The following LPGAT1 variants were observed in gnomAD, a reference collection of about 807,000 sequenced individuals.
LPGAT1 encodes the protein lysophosphatidylglycerol acyltransferase 1, also known as acyl-CoA:lysophosphatidylglycerol acyltransferase 1.
Under a neutral mutation model 47.5 loss-of-function variants are expected in LPGAT1, and 11 were observed. The observed-to-expected ratio is 0.23, with a 90% CI of 0.15 to 0.38. The LOEUF (loss-of-function observed/expected upper bound fraction) is 0.38. LPGAT1 is among the 10% of genes least tolerant of loss of function. The pLI is 1.00. For synonymous variants in LPGAT1, 138 were observed against 144.2 expected (o/e 0.96, Z 0.31); for missense variants, 293 against 439.0 (o/e 0.67, Z 2.97).
intron 6 of LPGAT1, among the ~76,000 whole-genome samples, chr1:211,755,237 C>T (rs1471050577): frequency 1.3e-5 from 2 of 151,282 alleles, no homozygotes; most frequent in African/African-American, 4.9e-5. Flanking sequence ...ACTTGGGAGG[C>T]TGAGGCAGGA....
At chr1:211,797,264 A>T (rs1659389171) in intron 2 of LPGAT1, among the ~76,000 whole-genome samples, 1 of 152,032 alleles carries the variant, frequency 6.6e-6, no homozygotes, top group South Asian at 2.1e-4. Context: ...TCAAAAAAAC[A>T]AAACAAAACA....
At chr1:211,828,996 A>C (rs1660629557) in intron 2 of LPGAT1, 63 bp downstream of exon 2, 1 of 1,557,844 alleles carries the variant, frequency 6.4e-7, no homozygotes. Context: ...TGTAATATAC[A>C]TTTAATCATG....
Position 211,760,569 on chromosome 1 carries a change from A to G in LPGAT1, c.855-9502T>C, listed in dbSNP as rs560967468. Among the ~76,000 whole-genome samples, 5 of 152,312 alleles carry G rather than the reference A, an allele frequency of 3.3e-5. No homozygotes were observed. In the South Asian group the frequency reaches 1.0e-3, roughly 32 times the overall value. ...TAAGTATCTATAATTAAGTACTACC[A>G]TTGGAATTTGGTGCCTATATTTATA... On this transcript the variant is annotated intron_variant, in intron 6 of 7. Coordinates refer to ENST00000366997, the MANE Select transcript of LPGAT1 (RefSeq NM_014873.3).
intron 4 of LPGAT1, among the ~76,000 whole-genome samples, chr1:211,785,024 C>T (rs556518325): frequency 2.6e-5 from 4 of 152,112 alleles, no homozygotes; most frequent in East Asian, 3.9e-4. Context: ...AGGATGGTCT[C>T]GATCTCCTGA....
chr1:211,746,438 C>G lies in LPGAT1; in HGVS notation c.*3461G>C, dbSNP rs1405172155. On this transcript the variant is annotated 3_prime_UTR_variant, in exon 8 of 8. Transcript: ENST00000366997. Reference sequence around the variant, plus strand: ...CGCATCATTTCACTACTCATTAACACAGTCATAAATATATAGGCAAAAAAC... The same window carrying G: ...CGCATCATTTCACTACTCATTAACAGAGTCATAAATATATAGGCAAAAAAC... 1 of 152,124 alleles carries G rather than the reference C, an allele frequency of 6.6e-6. No individual in the cohort carries two copies. Among genetic ancestry groups the G allele is most frequent in the Admixed American group, 6.5e-5 (1 of 15,268 alleles). 9.4% of individuals were successfully genotyped at this position (152,124 alleles called of 1,614,324 possible).
intron 6 of LPGAT1, among the ~76,000 whole-genome samples, chr1:211,777,506 C>T (rs947928770): frequency 2.6e-5 from 4 of 152,048 alleles, no homozygotes; most frequent in African/African-American, 7.2e-5. Context: ...GAAGCCTATG[C>T]TTCATACAGA....
rs1271911116 is a variant in LPGAT1 at position 211,793,287 on chromosome 1, T to TG, written c.239-98dup. 3 of 696,508 alleles carry TG rather than the reference T, an allele frequency of 4.3e-6. No homozygotes were observed. The African/African-American group carries it at 5.5e-5, about 13-fold the overall frequency. The allele number at this position is 696,508 out of a possible 1,614,324, so 43.1% of individuals were successfully genotyped here. A position where few individuals can be genotyped will look rare whatever the true frequency, so the allele number is the denominator to read the frequency against. On this transcript the variant is annotated intron_variant, in intron 2 of 7. Coordinates refer to ENST00000366997, the MANE Select transcript of LPGAT1 (RefSeq NM_014873.3). ...AAAATGATGTATATTAATGATGATATGTCACCTAGCTAAAACATCCGAAAG... is the reference window on the plus strand; with the variant it reads ...AAAATGATGTATATTAATGATGATATGGTCACCTAGCTAAAACATCCGAAAG...
rs1657019732 is a variant in LPGAT1, at chr1:211,748,170, A to C, written c.*1729T>G. 1 of 152,504 alleles carries C rather than the reference A, an allele frequency of 6.6e-6. No individual in the cohort carries two copies. The highest frequency in any genetic ancestry group is 1.5e-5 in the Non-Finnish European group (1 of 68,024). 9.4% of individuals were successfully genotyped at this position (152,504 alleles called of 1,614,324 possible). A position where few individuals can be genotyped will look rare whatever the true frequency, so the allele number is the denominator to read the frequency against. On this transcript the variant is annotated 3_prime_UTR_variant, in exon 8 of 8. Coordinates refer to ENST00000366997, the MANE Select transcript of LPGAT1 (RefSeq NM_014873.3). ...CAAAATTGTTGTGTGATTAGTGACA[A>C]CGGGGGAATCTACAATGCTCACATC...
In LPGAT1 at chr1:211,744,718, T is replaced by G. The variant is rs1247434004; in HGVS notation, c.*5181A>C. ...CAGCAAAATTTATAACAAACATGTA[T>G]AGTTGAATACATAATTTTCTCCCAG... On this transcript the variant is annotated 3_prime_UTR_variant, in exon 8 of 8. Coordinates refer to ENST00000366997, the MANE Select transcript of LPGAT1 (RefSeq NM_014873.3). The G allele has an allele frequency of 1.3e-5, 2 of 152,258 alleles. No homozygotes were observed. The highest frequency in any genetic ancestry group is 2.9e-5 in the Non-Finnish European group (2 of 68,044). 9.4% of individuals were successfully genotyped at this position (152,258 alleles called of 1,614,324 possible).
chr1:211,798,718 A>T (rs1006395425), intron 2 of LPGAT1, among the ~76,000 whole-genome samples: 1 of 152,194 alleles, frequency 6.6e-6, no homozygotes, highest in African/African-American at 2.4e-5. Context: ...AAAAACAAAT[A>T]AAAAATTAGA....
chr1:211,785,868 A>G (rs1658857795), intron 4 of LPGAT1, among the ~76,000 whole-genome samples: 1 of 152,118 alleles, frequency 6.6e-6, no homozygotes, highest in African/African-American at 2.4e-5. Context: ...CGGCCTCCCA[A>G]AGTGCTGGGA....
At chr1:211,803,280 A>G (rs531683161) in intron 2 of LPGAT1, among the ~76,000 whole-genome samples, 1 of 152,324 alleles carries the variant, frequency 6.6e-6, no homozygotes, top group South Asian at 2.1e-4. Flanking sequence ...TAAAATGAGA[A>G]ATAAACCAAG....
intron 2 of LPGAT1, among the ~76,000 whole-genome samples, chr1:211,820,412 G>A (rs10863924): frequency 0.31 from 47,272 of 151,552 alleles, 9,112 homozygotes; most frequent in East Asian, 0.71. Flanking sequence ...GAATAATTTT[G>A]CTTGATTTTA....
chr1:211,825,891 C>T (rs928517661), intron 2 of LPGAT1, among the ~76,000 whole-genome samples: 8 of 151,690 alleles, frequency 5.3e-5, no homozygotes, highest in African/African-American at 1.7e-4. Context: ...ACTCGGGAGG[C>T]GGAGGTTGCA....
chr1:211,794,620 T>G (rs1659276077), intron 2 of LPGAT1, among the ~76,000 whole-genome samples: 1 of 152,200 alleles, frequency 6.6e-6, no homozygotes, highest in South Asian at 2.1e-4. Context: ...CATTTTACAG[T>G]AAATTTATGT....
At position 211,749,538 on chromosome 1, in the gene LPGAT1, A is replaced by G; in HGVS notation, c.*361T>C. 1 of 260,548 alleles carries G rather than the reference A, an allele frequency of 3.8e-6. No individual in the cohort carries two copies. Among genetic ancestry groups the G allele is most frequent in the Non-Finnish European group, 7.3e-6 (1 of 137,530 alleles). 16.1% of individuals were successfully genotyped at this position (260,548 alleles called of 1,614,324 possible). On this transcript the variant is annotated 3_prime_UTR_variant, in exon 8 of 8. Transcript: ENST00000366997. ...TATAGACTACAGCTAAGAGGGATGA[A>G]TATAACTTTCTGAGCTTCAACTAAA... is the stretch of plus-strand genomic sequence containing the variant.
intron 6 of LPGAT1, among the ~76,000 whole-genome samples, chr1:211,773,721 ATTAACCACTGAACAGCAGTGCAC>A (rs1210003269): frequency 6.6e-6 from 1 of 152,186 alleles, no homozygotes; most frequent in Non-Finnish European, 1.5e-5. Flanking sequence ...TAATTTTCCT[ATTAACCACTGAACAGCAGTGCAC>A]TGTGCCCACT....
intron 2 of LPGAT1, among the ~76,000 whole-genome samples, chr1:211,800,614 C>G (rs1235171890): frequency 6.6e-6 from 1 of 152,130 alleles, no homozygotes; most frequent in Non-Finnish European, 1.5e-5. Context: ...TTGGGTGAAG[C>G]AATTCTTCCC....
At chr1:211,786,857 T>C (rs1488346312) in intron 4 of LPGAT1, among the ~76,000 whole-genome samples, 2 of 152,212 alleles carry the variant, frequency 1.3e-5, no homozygotes, top group South Asian at 2.1e-4. Flanking sequence ...GTAATAGTGA[T>C]ACAATAGTAG....
Sources: gnomAD v4.1 joint callset for allele counts (sites outside exome capture counted in the v4.1 genomes callset) on GRCh38, gnomAD v4.1.1 for gene constraint, MANE v1.5 for transcripts, NCBI Gene and HGNC (gene_info 2026-07-23, HGNC 2026-07-21) for gene names.